The following BRWD3 variants were observed in gnomAD, a reference collection of about 807,000 sequenced individuals.
The protein encoded by BRWD3 is bromodomain and WD repeat domain containing 3.
A neutral mutation model predicts 149.7 loss-of-function variants in BRWD3; 10 were observed. The observed-to-expected ratio is 0.07, with a 90% confidence interval of 0.04 to 0.11. BRWD3 has a LOEUF of 0.11. BRWD3 is among the 10% of genes least tolerant of loss of function. The pLI is 1.00. For synonymous variants in BRWD3, 504 were observed against 456.7 expected, an observed-to-expected ratio of 1.10 and a Z score of -1.32; for missense variants, 940 against 1,373.2, an observed-to-expected ratio of 0.68 and a Z score of 4.99.
intron 6 of BRWD3, among the ~76,000 whole-genome samples, chrX:80,764,982 T>C (rs2073843174): frequency 9.0e-6 from 1 of 111,711 alleles, no homozygotes; most frequent in African/African-American, 3.3e-5. Context: ...ATACAATATA[T>C]GGTGCTATTT....
chrX:80,766,940 T>C (rs1009904577), intron 6 of BRWD3, among the ~76,000 whole-genome samples: 2 of 112,068 alleles, frequency 1.8e-5, no homozygotes, highest in Non-Finnish European at 3.8e-5. Flanking sequence ...TCTTAGCAAA[T>C]GGCACACTAG....
intron 8 of BRWD3, among the ~76,000 whole-genome samples, chrX:80,739,986 G>T (rs938072319): frequency 8.9e-6 from 1 of 111,764 alleles, no homozygotes; most frequent in Admixed American, 9.6e-5. Flanking sequence ...GCATATGACA[G>T]TATGTCCCAA....
At chrX:80,754,818 C>T (rs1030604871) in intron 6 of BRWD3, among the ~76,000 whole-genome samples, 6 of 111,182 alleles carry the variant, frequency 5.4e-5, no homozygotes, top group African/African-American at 2.0e-4. Flanking sequence ...ACCAGCCTGG[C>T]CAACATGGTG....
intron 8 of BRWD3, among the ~76,000 whole-genome samples, chrX:80,736,517 G>C (rs1224449188): frequency 9.0e-6 from 1 of 111,077 alleles, no homozygotes; most frequent in Non-Finnish European, 1.9e-5. Context: ...AAAAACACTT[G>C]GGAAGTTAAT....
At chrX:80,686,193 C>T (rs961059353) in intron 35 of BRWD3, among the ~76,000 whole-genome samples, 1 of 100,664 alleles carries the variant, frequency 9.9e-6, no homozygotes, top group African/African-American at 3.7e-5. Context: ...CATGTTCTCA[C>T]GCATAGGTGG....
At chrX:80,802,801 T>A (rs1229534450) in intron 4 of BRWD3, among the ~76,000 whole-genome samples, 1 of 110,223 alleles carries the variant, frequency 9.1e-6, no homozygotes, top group Non-Finnish European at 1.9e-5. Flanking sequence ...ACTCACAAAA[T>A]CCCATGTAAG....
chrX:80,790,261 T>C (rs1162193599), intron 6 of BRWD3, among the ~76,000 whole-genome samples: 3 of 102,895 alleles, frequency 2.9e-5, no homozygotes, highest in Non-Finnish European at 5.9e-5. Flanking sequence ...TGGCAACCTA[T>C]AAAACTGATT....
At chrX:80,767,648 A>G (rs144013686) in intron 6 of BRWD3, among the ~76,000 whole-genome samples, 1 of 111,183 alleles carries the variant, frequency 9.0e-6, no homozygotes, top group Admixed American at 9.6e-5. Context: ...AGAGAAAATT[A>G]TAAAAACCAG....
intron 24 of BRWD3, among the ~76,000 whole-genome samples, chrX:80,702,964 G>C (rs1318107240): frequency 9.0e-6 from 1 of 111,478 alleles, no homozygotes; most frequent in Admixed American, 9.6e-5. Context: ...TTTTTTACCA[G>C]GTAGAATTTT....
At chrX:80,798,431 T>C (rs914273563) in intron 4 of BRWD3, among the ~76,000 whole-genome samples, 2 of 111,036 alleles carry the variant, frequency 1.8e-5, no homozygotes, top group African/African-American at 6.5e-5. Flanking sequence ...TATATTGTTA[T>C]ATCATAGCCT....
chrX:80,749,517 T>C (rs2060978705), intron 6 of BRWD3, among the ~76,000 whole-genome samples: 1 of 111,594 alleles, frequency 9.0e-6, no homozygotes, highest in Admixed American at 9.5e-5. Flanking sequence ...TGTTCTCTTT[T>C]GGATTCCATT....
chrX:80,804,345 C>T lies in BRWD3; in HGVS notation c.180+4194G>A, dbSNP rs750044344. ...CTCTGCTTCCAGGGCTCAAGCAATT[C>T]TCATGCCTCAGCCTCCTGAGTAGCT... On this transcript the variant is annotated intron_variant, in intron 4 of 40. Coordinates refer to ENST00000373275, the MANE Select transcript of BRWD3 (RefSeq NM_153252.5). Among the ~76,000 whole-genome samples the T allele has an allele frequency of 6.4e-5, 7 of 109,324 alleles. No individual in the cohort carries two copies. The South Asian group carries it at 2.0e-3, about 31-fold the overall frequency. 94.9% of individuals were successfully genotyped at this position (109,324 alleles called of 115,157 possible).
At chrX:80,711,210 T>C (rs1049754151) in intron 20 of BRWD3, among the ~76,000 whole-genome samples, 10 of 111,971 alleles carry the variant, frequency 8.9e-5, no homozygotes, top group Non-Finnish European at 1.7e-4. Flanking sequence ...TCTATACTTT[T>C]GTTCATTCTA....
At chrX:80,677,456 T>C (rs1935959008) in intron 40 of BRWD3, 93 bp from the exon 41 acceptor site, 2 of 1,071,514 alleles carry the variant, frequency 1.9e-6, no homozygotes, top group South Asian at 4.6e-5. Flanking sequence ...CCCAAAAATA[T>C]GTGGAATACA....
At chrX:80,695,627 T>C (rs1040596571) in intron 27 of BRWD3, among the ~76,000 whole-genome samples, 1 of 111,345 alleles carries the variant, frequency 9.0e-6, no homozygotes, top group Admixed American at 9.6e-5. Context: ...AGAACCTAAG[T>C]GTAAAGTGCT....
At chrX:80,695,658 T>A (rs2072678727) in intron 27 of BRWD3, among the ~76,000 whole-genome samples, 1 of 111,587 alleles carries the variant, frequency 9.0e-6, no homozygotes, top group African/African-American at 3.3e-5. Context: ...GCAACAGACA[T>A]TTGAGAATTT....
intron 8 of BRWD3, among the ~76,000 whole-genome samples, chrX:80,742,228 T>C (rs1223225207): frequency 9.0e-6 from 1 of 110,876 alleles, no homozygotes; most frequent in Non-Finnish European, 1.9e-5. Flanking sequence ...TGTAGATATG[T>C]GGCATTATGT....
At chrX:80,767,794 G>T (rs1185881799) in intron 6 of BRWD3, among the ~76,000 whole-genome samples, 3 of 111,800 alleles carry the variant, frequency 2.7e-5, no homozygotes, top group Non-Finnish European at 5.6e-5. Context: ...GCTAAAGGAG[G>T]ATGTTCGAAC....
chrX:80,679,513 T>C (rs1339358522), intron 40 of BRWD3, among the ~76,000 whole-genome samples: 1 of 111,900 alleles, frequency 8.9e-6, no homozygotes, highest in East Asian at 2.8e-4. Context: ...GCATATGCAT[T>C]TGGAGAGTCA....
Sources: allele counts gnomAD v4.1 joint callset (sites outside exome capture counted in the v4.1 genomes callset), GRCh38; gene constraint gnomAD v4.1.1; transcripts MANE v1.5; gene names NCBI Gene and HGNC (gene_info 2026-07-23, HGNC 2026-07-21).